RASGEF1C: variants seen among roughly 807,000 people sequenced by gnomAD.
RASGEF1C encodes the protein ras-GEF domain-containing family member 1C.
RASGEF1C carries 27 observed loss-of-function variants against 58.1 expected under a neutral mutation model. That is an observed-to-expected ratio of 0.46 (90% CI 0.34 to 0.64). The LOEUF is 0.64. Among genes scored for constraint, RASGEF1C ranks in the 30% least tolerant of loss-of-function variants. The probability of loss-of-function intolerance (pLI) is 0.01; values close to 1 mark genes in which losing one functional copy is unlikely to be tolerated. For synonymous variants in RASGEF1C, 243 were observed against 246.3 expected (o/e 0.99, Z 0.13); for missense variants, 502 against 605.1 (o/e 0.83, Z 1.79).
At chr5:180,153,915 T>A (rs1271118132) in intron 1 of RASGEF1C, among the ~76,000 whole-genome samples, 1 of 152,162 alleles carries the variant, frequency 6.6e-6, no homozygotes, top group Non-Finnish European at 1.5e-5. Context: ...ATGTTCCCAG[T>A]CCCCGTACTC....
chr5:180,128,616 G>A lies in RASGEF1C; in HGVS notation c.439-6C>T, dbSNP rs775765606. The A allele has an allele frequency of 3.1e-6, 5 of 1,612,832 alleles. No individual in the cohort carries two copies. The highest frequency in any genetic ancestry group is 1.6e-4 in the Middle Eastern group (1 of 6,078). On this transcript the variant is annotated splice_region_variant and splice_polypyrimidine_tract_variant and intron_variant, in intron 4 of 13. Coordinates refer to ENST00000361132, the MANE Select transcript of RASGEF1C (RefSeq NM_175062.4). ...TGCATCCTCTTCCGGTATGCCTGGT[G>A]GGTGGAAAGAAGGGCGCTCAGGACT...
At chr5:180,176,380 C>T (rs1767225561) in intron 1 of RASGEF1C, among the ~76,000 whole-genome samples, 1 of 152,194 alleles carries the variant, frequency 6.6e-6, no homozygotes, top group Non-Finnish European at 1.5e-5. Flanking sequence ...ATCCAGTCAC[C>T]ACAATAACGA....
intron 1 of RASGEF1C, among the ~76,000 whole-genome samples, chr5:180,207,082 G>A (rs547620900): frequency 2.0e-5 from 3 of 152,162 alleles, no homozygotes; most frequent in Non-Finnish European, 2.9e-5. Context: ...CAAATTGAAT[G>A]CAAGTAGAAA....
At chr5:180,121,424 C>T (rs1429794850) in intron 6 of RASGEF1C, among the ~76,000 whole-genome samples, 2 of 152,198 alleles carry the variant, frequency 1.3e-5, no homozygotes, top group African/African-American at 4.8e-5. Flanking sequence ...CGCCACTCTC[C>T]TGCCTCAGCC....
chr5:180,146,909 G>A (rs1240967487), intron 1 of RASGEF1C, among the ~76,000 whole-genome samples: 1 of 152,104 alleles, frequency 6.6e-6, no homozygotes, highest in Non-Finnish European at 1.5e-5. Flanking sequence ...TAAATGTTTG[G>A]TAGAATTCAC....
chr5:180,195,133 T>C (rs1045393893), intron 1 of RASGEF1C, among the ~76,000 whole-genome samples: 3 of 152,084 alleles, frequency 2.0e-5, no homozygotes, highest in African/African-American at 4.8e-5. Flanking sequence ...CCTCTCCTTC[T>C]CCAAACACAC....
intron 6 of RASGEF1C, 54 bp downstream of exon 6, chr5:180,127,555 C>A: frequency 1.3e-6 from 2 of 1,514,840 alleles, no homozygotes; most frequent in East Asian, 2.4e-5. Flanking sequence ...CCCCGGAGAG[C>A]GGCCAGTCAC....
chr5:180,172,861 G>GT (rs1767134615), intron 1 of RASGEF1C, among the ~76,000 whole-genome samples: 1 of 152,102 alleles, frequency 6.6e-6, no homozygotes, highest in Non-Finnish European at 1.5e-5. Flanking sequence ...ACCTCCCTGT[G>GT]CCTCTCCCTG....
At chr5:180,207,753 C>G (rs1372588035) in intron 1 of RASGEF1C, among the ~76,000 whole-genome samples, 2 of 152,168 alleles carry the variant, frequency 1.3e-5, no homozygotes, top group Non-Finnish European at 2.9e-5. Flanking sequence ...CGTCTCAGCT[C>G]CAGCTCCGCC....
chr5:180,163,398 C>T (rs1421426121), intron 1 of RASGEF1C, among the ~76,000 whole-genome samples: 1 of 151,736 alleles, frequency 6.6e-6, no homozygotes, highest in Non-Finnish European at 1.5e-5. Flanking sequence ...TGTGAAAATG[C>T]CCTTTATCAG....
intron 10 of RASGEF1C, among the ~76,000 whole-genome samples, chr5:180,118,278 C>T (rs10061906): frequency 6.0e-4 from 91 of 152,058 alleles, no homozygotes; most frequent in Non-Finnish European, 1.1e-3. Context: ...CCGCTGACTC[C>T]GGAGAAGAGA....
intron 13 of RASGEF1C, 139 bp from the exon 14 acceptor site, chr5:180,101,664 G>A: frequency 2.8e-6 from 3 of 1,071,976 alleles, no homozygotes; most frequent in Admixed American, 2.3e-5. Flanking sequence ...GCAAATCCCT[G>A]GGGCTCAGCC....
intron 1 of RASGEF1C, among the ~76,000 whole-genome samples, chr5:180,165,781 G>A (rs1443720346): frequency 1.8e-5 from 2 of 111,356 alleles, no homozygotes; most frequent in East Asian, 2.7e-4. Flanking sequence ...ATAGAGTCTC[G>A]CTCTGTCACC....
chr5:180,165,836 G>T (rs1767013543), intron 1 of RASGEF1C, among the ~76,000 whole-genome samples: 1 of 126,498 alleles, frequency 7.9e-6, no homozygotes, highest in African/African-American at 3.0e-5. Context: ...TGCAAGCTCT[G>T]CCTCCCGGGT....
At position 180,168,325 on chromosome 5, in the gene RASGEF1C, C is replaced by T. The variant is rs940743953; in HGVS notation, c.-6-30267G>A. Among the ~76,000 whole-genome samples, 1 of 151,960 alleles carries T rather than the reference C, an allele frequency of 6.6e-6. No homozygotes were observed. Among genetic ancestry groups the T allele is most frequent in the Non-Finnish European group, 1.5e-5 (1 of 67,990 alleles). ...GTGCATGCCTGTAATCGCAGCTACT[C>T]GGGAGACTGAGGCAGGAGAATTGCT... On this transcript the variant is annotated intron_variant, in intron 1 of 13. Transcript: ENST00000361132. This position sits in a 1 kb window ranked among gnomAD's most constrained non-coding sequence, Gnocchi z 6.0.
chr5:180,159,260 C>A (rs1450078387), intron 1 of RASGEF1C, among the ~76,000 whole-genome samples: 2 of 152,012 alleles, frequency 1.3e-5, no homozygotes, highest in African/African-American at 4.8e-5. Context: ...CTGCCTCAGC[C>A]TCCCGAGTAG....
chr5:180,144,052 G>T (rs1766626499), intron 1 of RASGEF1C, among the ~76,000 whole-genome samples: 1 of 152,172 alleles, frequency 6.6e-6, no homozygotes, highest in Non-Finnish European at 1.5e-5. Flanking sequence ...ATGGAGACTG[G>T]TGCACGAAGT....
chr5:180,152,259 T>C (rs1361243788), intron 1 of RASGEF1C, among the ~76,000 whole-genome samples: 1 of 151,576 alleles, frequency 6.6e-6, no homozygotes, highest in African/African-American at 2.4e-5. Flanking sequence ...GCTATTAAGA[T>C]ACACATATGT....
intron 1 of RASGEF1C, among the ~76,000 whole-genome samples, chr5:180,184,670 C>A (rs1037494580): frequency 6.6e-6 from 1 of 152,056 alleles, no homozygotes; most frequent in Non-Finnish European, 1.5e-5. Context: ...TCTACAAGAA[C>A]CCAAGTTTAA....
Sources: gnomAD v4.1 joint callset for allele counts (sites outside exome capture counted in the v4.1 genomes callset) on GRCh38, gnomAD v4.1.1 for gene constraint, Gnocchi (gnomAD v3.1) non-coding constraint, MANE v1.5 for transcripts, NCBI Gene and HGNC (gene_info 2026-07-23, HGNC 2026-07-21) for gene names.